The following RBFOX2 variants were observed in gnomAD, a reference collection of about 807,000 sequenced individuals.
The protein encoded by RBFOX2 is RNA binding fox-1 homolog 2.
RBFOX2 carries 10 observed loss-of-function variants against 49.1 expected under a neutral mutation model. The observed-to-expected ratio is 0.20, with a 90% CI of 0.13 to 0.35. RBFOX2 has a LOEUF of 0.35. Ranked by LOEUF, RBFOX2 falls within the 10% of genes least tolerant of loss-of-function variation. RBFOX2 has a pLI of 1.00. For missense variants in RBFOX2, 323 were observed against 486.9 expected (o/e 0.66, Z 3.17); for synonymous variants, 183 against 187.4 (o/e 0.98, Z 0.19).
Position 35,908,410 on chromosome 22 carries a change from C to T in RBFOX2, c.-34+30437G>A, listed in dbSNP as rs577804802. Among the ~76,000 whole-genome samples the T allele has an allele frequency of 1.6e-4, 24 of 152,308 alleles. No individual in the cohort carries two copies. The South Asian group carries it at 4.1e-3, about 26-fold the overall frequency. ...TAGCCTATCTTAAACATGCTCAGAA[C>T]ACTTACATTAGGTTACAGTTGGGTA... On this transcript the variant is annotated intron_variant, in intron 1 of 13. Coordinates refer to the RBFOX2 transcript ENST00000359369.
chr22:35,895,525 G>C (rs971727511), intron 1 of RBFOX2, among the ~76,000 whole-genome samples: 3 of 152,066 alleles, frequency 2.0e-5, no homozygotes, highest in Non-Finnish European at 4.4e-5. Context: ...TCTTAATCTT[G>C]CAAGATTTCA....
intron 1 of RBFOX2, among the ~76,000 whole-genome samples, chr22:35,811,176 G>GC (rs1951794382): frequency 6.6e-6 from 1 of 152,102 alleles, no homozygotes. Context: ...GTGGGGGGCT[G>GC]CCACAGTCTA....
upstream of RBFOX2, among the ~76,000 whole-genome samples, chr22:35,939,737 A>C (rs559948459): frequency 1.1e-3 from 164 of 152,298 alleles, no homozygotes; most frequent in African/African-American, 3.8e-3. Context: ...ATTTAGTATA[A>C]GGTCATATAA....
intron 2 of RBFOX2, among the ~76,000 whole-genome samples, chr22:35,783,103 T>C (rs1041592339): frequency 6.6e-6 from 1 of 152,156 alleles, no homozygotes; most frequent in Non-Finnish European, 1.5e-5. Flanking sequence ...CGGAAAACAG[T>C]GAACTAAACA....
intron 1 of RBFOX2, among the ~76,000 whole-genome samples, chr22:35,875,594 A>C (rs1007318256): frequency 6.7e-6 from 1 of 148,910 alleles, no homozygotes; most frequent in African/African-American, 2.5e-5. Context: ...GCGAATTAAT[A>C]AATGCTCACA....
intron 1 of RBFOX2, among the ~76,000 whole-genome samples, chr22:35,887,537 C>A (rs953373375): frequency 6.6e-6 from 1 of 152,132 alleles, no homozygotes; most frequent in African/African-American, 2.4e-5. Context: ...CATCACATAC[C>A]TCAGCAGGGG....
chr22:36,003,839 G>A (rs1373703103), intron 1 of RBFOX2, among the ~76,000 whole-genome samples: 1 of 152,184 alleles, frequency 6.6e-6, no homozygotes, highest in Non-Finnish European at 1.5e-5. Context: ...AGAGTAGAAG[G>A]GGAGAGAAAC....
intron 1 of RBFOX2, among the ~76,000 whole-genome samples, chr22:35,833,739 G>A (rs1957180990): frequency 6.6e-6 from 1 of 152,102 alleles, no homozygotes; most frequent in African/African-American, 2.4e-5. Context: ...AGAAATGCTG[G>A]AGCCAAACTC....
At chr22:35,933,106 C>T (rs141622868) in intron 1 of RBFOX2, among the ~76,000 whole-genome samples, 1 of 152,114 alleles carries the variant, frequency 6.6e-6, no homozygotes, top group Non-Finnish European at 1.5e-5. Context: ...CAGACAAATA[C>T]AAAAGGGAAA....
chr22:35,897,253 T>G (rs1413257934), intron 1 of RBFOX2: 10 of 1,468,316 alleles, frequency 6.8e-6, no homozygotes, highest in Non-Finnish European at 8.6e-6. Flanking sequence ...CAAGAGTTGC[T>G]CGGGAGGCAC....
chr22:35,801,463 T>C, intron 2 of RBFOX2, among the ~76,000 whole-genome samples: 1 of 151,752 alleles, frequency 6.6e-6, no homozygotes, highest in Non-Finnish European at 1.5e-5. Context: ...TCTCTCTCTC[T>C]CTCTCCCTCC....
chr22:35,791,776 T>C (rs1602922829), intron 2 of RBFOX2, among the ~76,000 whole-genome samples: 1 of 152,272 alleles, frequency 6.6e-6, no homozygotes, highest in South Asian at 2.1e-4. Flanking sequence ...TCACTCCTGG[T>C]TGGGCTCCAT....
chr22:35,927,260 G>T (rs7289209), intron 1 of RBFOX2, among the ~76,000 whole-genome samples: 15,631 of 152,184 alleles, frequency 0.1, 1,499 homozygotes, highest in African/African-American at 0.26. Flanking sequence ...GCATTAGGAA[G>T]AAATAAATGC....
rs558975794 is a variant in RBFOX2 at position 36,027,419 on chromosome 22, C to A, written c.186+821G>T. On this transcript the variant is annotated intron_variant, in intron 1 of 13. Coordinates refer to the RBFOX2 transcript ENST00000438146. The stretch of plus-strand genomic sequence containing the variant: ...AAGGTCTTCTTCAAAACTATGAAGT[C>A]AGCTGACATCAATACCTTTCCCATT... Among the ~76,000 whole-genome samples the A allele has an allele frequency of 3.3e-5, 5 of 152,332 alleles. No homozygotes were observed. The South Asian group carries it at 6.2e-4, about 19-fold the overall frequency.
At chr22:35,981,689 C>A (rs1336479663) in intron 1 of RBFOX2, among the ~76,000 whole-genome samples, 1 of 151,302 alleles carries the variant, frequency 6.6e-6, no homozygotes, top group Non-Finnish European at 1.5e-5. Context: ...TATAAGCATT[C>A]ACCAAAGTTA....
chr22:35,818,491 C>T (rs1953682079), intron 1 of RBFOX2, among the ~76,000 whole-genome samples: 1 of 152,144 alleles, frequency 6.6e-6, no homozygotes, highest in Admixed American at 6.5e-5. Context: ...ACTGGAATAG[C>T]CTTAAAAATA....
chr22:35,818,721 A>G (rs1953747520), intron 1 of RBFOX2, among the ~76,000 whole-genome samples: 1 of 152,202 alleles, frequency 6.6e-6, no homozygotes, highest in Non-Finnish European at 1.5e-5. Context: ...CAGGAGTTTG[A>G]GGATGCAGTG....
chr22:35,876,372 GT>G (rs1268967315), intron 1 of RBFOX2, among the ~76,000 whole-genome samples: 4 of 152,002 alleles, frequency 2.6e-5, no homozygotes, highest in African/African-American at 9.7e-5. Context: ...ATTACATTAA[GT>G]AGCATTTTAG....
intron 1 of RBFOX2, among the ~76,000 whole-genome samples, chr22:36,003,909 G>A (rs1384602271): frequency 6.6e-6 from 1 of 152,170 alleles, no homozygotes. Context: ...TTAATGCAGG[G>A]TTCTCAACCT....
Sources: gnomAD v4.1 joint callset for allele counts (sites outside exome capture counted in the v4.1 genomes callset) on GRCh38, gnomAD v4.1.1 for gene constraint, MANE v1.5 for transcripts, NCBI Gene and HGNC (gene_info 2026-07-23, HGNC 2026-07-21) for gene names.